Variants in SKAP1 observed in about 807,000 individuals in gnomAD.
The protein encoded by SKAP1 is src kinase associated phosphoprotein 1, also known as src kinase-associated phosphoprotein 1.
In SKAP1, 44 loss-of-function variants were observed where a neutral mutation model predicts 58.5. The observed-to-expected ratio is 0.75, with a 90% CI of 0.59 to 0.97. The LOEUF is 0.97. SKAP1 is among the 50% of genes least tolerant of loss of function. The probability of loss-of-function intolerance (pLI) is 0.00; values close to 1 mark genes in which losing one functional copy is unlikely to be tolerated. For synonymous variants in SKAP1, 127 were observed against 149.7 expected (o/e 0.85, Z 1.11); for missense variants, 390 against 435.2 (o/e 0.90, Z 0.92).
Position 48,182,431 on chromosome 17 carries a change from G to C in SKAP1, c.594C>G (p.Ala198=). Residue 198 remains alanine, a synonymous_variant, in exon 8 of 13, where the codon GCC becomes GCG. Coordinates refer to ENST00000336915, the MANE Select transcript of SKAP1 (RefSeq NM_003726.4). Reference sequence around the variant, plus strand: ...AACTTATTTGATCCACCCAGTCTCTGGCTTCTGCTGGACTAGTAGCTGTAA... The same window carrying C: ...AACTTATTTGATCCACCCAGTCTCTCGCTTCTGCTGGACTAGTAGCTGTAA... ...YEFTATSPAE[A]RDWVDQISFL... is the part of the protein sequence containing the mutation. The C allele has an allele frequency of 6.2e-7, 1 of 1,609,620 alleles. No individual in the cohort carries two copies. The highest frequency in any genetic ancestry group is 2.2e-5 in the East Asian group (1 of 44,660).
chr17:48,304,969 T>A (rs1250323788), intron 4 of SKAP1, among the ~76,000 whole-genome samples: 1 of 152,194 alleles, frequency 6.6e-6, no homozygotes, highest in Admixed American at 6.5e-5. Context: ...GTTCAACTCC[T>A]TATTCTGTAT....
At chr17:48,135,694 C>G (rs1282732958) in intron 12 of SKAP1, among the ~76,000 whole-genome samples, 2 of 152,076 alleles carry the variant, frequency 1.3e-5, no homozygotes, top group Non-Finnish European at 2.9e-5. Context: ...TGGTCTCAAA[C>G]TCCTGATCTC....
chr17:48,318,044 A>T (rs2144208612), intron 4 of SKAP1, among the ~76,000 whole-genome samples: 1 of 152,288 alleles, frequency 6.6e-6, no homozygotes, highest in East Asian at 1.9e-4. Flanking sequence ...GCGCAAATAA[A>T]CTTTCATTAT....
chr17:48,416,193 T>G (rs2067729478), intron 1 of SKAP1, among the ~76,000 whole-genome samples: 1 of 143,642 alleles, frequency 7.0e-6, no homozygotes, highest in Non-Finnish European at 1.5e-5. Context: ...TTCTCTTAAA[T>G]TTTCAATGAT....
At chr17:48,387,717 G>T (rs1365056867) in intron 2 of SKAP1, among the ~76,000 whole-genome samples, 1 of 152,126 alleles carries the variant, frequency 6.6e-6, no homozygotes. Context: ...ACCATAAAAT[G>T]ATTTTTAAAT....
intron 11 of SKAP1, among the ~76,000 whole-genome samples, chr17:48,157,827 C>T (rs1029272543): frequency 2.6e-5 from 4 of 151,574 alleles, no homozygotes; most frequent in Middle Eastern, 3.4e-3. Context: ...CCACACCTAG[C>T]CACTGGGGAG....
At chr17:48,404,608 T>C (rs966922001) in intron 1 of SKAP1, among the ~76,000 whole-genome samples, 2 of 152,108 alleles carry the variant, frequency 1.3e-5, no homozygotes, top group Non-Finnish European at 2.9e-5. Context: ...ACAGTGATAA[T>C]TAAAGACAAT....
intron 4 of SKAP1, among the ~76,000 whole-genome samples, chr17:48,208,314 G>C (rs1208492366): frequency 1.3e-5 from 2 of 152,162 alleles, no homozygotes; most frequent in Non-Finnish European, 2.9e-5. Context: ...ATTCCACCTT[G>C]CCCAAGGGAC....
chr17:48,405,442 TTTCTTTCTTTTC>T (rs1283950911), intron 1 of SKAP1, among the ~76,000 whole-genome samples: 1 of 78,340 alleles, frequency 1.3e-5, no homozygotes, highest in Non-Finnish European at 2.7e-5. Context: ...TCTTTCTTTC[TTTCTTTCTTTTC>T]TTTCTTTCTT....
In SKAP1 at chr17:48,302,046, G is replaced by A. The variant is rs112953022; in HGVS notation, c.280+43859C>T. Among the ~76,000 whole-genome samples the A allele has an allele frequency of 4.0e-3, 612 of 152,192 alleles. 8 individuals are homozygous for A. The highest frequency in any genetic ancestry group is 0.014 in the African/African-American group (583 of 41,514). On this transcript the variant is annotated intron_variant, in intron 4 of 12. Transcript: ENST00000336915. The stretch of plus-strand genomic sequence containing the variant: ...GGAAACCAACAATAAATAATCCAAC[G>A]TAAAATAGCGTATCATAATGATCAA...
At chr17:48,283,637 A>C (rs1433251974) in intron 4 of SKAP1, among the ~76,000 whole-genome samples, 1 of 152,052 alleles carries the variant, frequency 6.6e-6, no homozygotes, top group Non-Finnish European at 1.5e-5. Context: ...GATCTCACTA[A>C]CTCTTGAAGA....
intron 9 of SKAP1, among the ~76,000 whole-genome samples, chr17:48,178,471 T>C (rs1313711293): frequency 6.6e-6 from 1 of 152,140 alleles, no homozygotes. Flanking sequence ...TTAGGGAGTA[T>C]TGTGAATTAG....
At chr17:48,146,771 G>A (rs962988025) in intron 11 of SKAP1, among the ~76,000 whole-genome samples, 1 of 152,084 alleles carries the variant, frequency 6.6e-6, no homozygotes, top group African/African-American at 2.4e-5. Context: ...TGAGATTACA[G>A]GCACCCGCCA....
rs922470148 is a variant in SKAP1 at position 48,395,138 on chromosome 17, G to A, written c.152+1542C>T. On this transcript the variant is annotated intron_variant, in intron 2 of 12. Transcript: ENST00000336915. ...CTATCCCATGACAAATTCAGCTTGC[G>A]TGTGTGTTCATGCATGTGTGTGCAT... 2.6e-5 allele frequency among the ~76,000 whole-genome samples: 4 copies of A among 152,258 alleles called. No individual in the cohort carries two copies. The East Asian group carries it at 5.8e-4, about 22-fold the overall frequency.
In SKAP1 at chr17:48,165,373, C is replaced by T. The variant is rs542712794; in HGVS notation, c.878-2804G>A. Among the ~76,000 whole-genome samples, 119 of 134,408 alleles carry T rather than the reference C, an allele frequency of 8.9e-4. 1 individual carries two copies. The East Asian group carries it at 0.023, about 26-fold the overall frequency. The allele number at this position is 134,408 out of a possible 152,430, so 88.2% of individuals were successfully genotyped here. A position where few individuals can be genotyped will look rare whatever the true frequency, so the allele number is the denominator to read the frequency against. ...AGAATGCATGAGGAGACTTTGCTTT[C>T]TTTTCTTTTCTTTCTTTCTTTCTTT... On this transcript the variant is annotated intron_variant, in intron 10 of 12. Coordinates refer to ENST00000336915, the MANE Select transcript of SKAP1 (RefSeq NM_003726.4).
chr17:48,143,643 C>T (rs932029170), intron 11 of SKAP1, among the ~76,000 whole-genome samples: 1 of 152,184 alleles, frequency 6.6e-6, no homozygotes, highest in Non-Finnish European at 1.5e-5. Flanking sequence ...GTCTACCTCT[C>T]ACATTGTAAC....
At chr17:48,143,555 C>T (rs559496333) in intron 11 of SKAP1, among the ~76,000 whole-genome samples, 9 of 152,156 alleles carry the variant, frequency 5.9e-5, no homozygotes, top group Admixed American at 2.6e-4. Flanking sequence ...GTCCATTTTC[C>T]GACACTGAAA....
At chr17:48,171,966 A>G (rs1413405893) in intron 9 of SKAP1, among the ~76,000 whole-genome samples, 1 of 152,156 alleles carries the variant, frequency 6.6e-6, no homozygotes, top group Non-Finnish European at 1.5e-5. Context: ...AGGCTGAGGC[A>G]AGAGAATTGC....
chr17:48,170,753 A>C (rs2064199298), intron 9 of SKAP1, 94 bp from the exon 10 acceptor site: 2 of 1,109,254 alleles, frequency 1.8e-6, no homozygotes, highest in Admixed American at 4.0e-5. Flanking sequence ...TCTGTTGTCT[A>C]GGCTGAAGTG....
Sources: allele counts gnomAD v4.1 joint callset (sites outside exome capture counted in the v4.1 genomes callset), GRCh38; gene constraint gnomAD v4.1.1; transcripts MANE v1.5; gene names NCBI Gene and HGNC (gene_info 2026-07-23, HGNC 2026-07-21).